The following ENTPD1 variants were observed in gnomAD, a reference collection of about 807,000 sequenced individuals.
ENTPD1 encodes ATP diphosphohydrolase.
In ENTPD1, 33 loss-of-function variants were observed where a neutral mutation model predicts 57.0. That is an observed-to-expected ratio of 0.58 (90% CI 0.44 to 0.77). ENTPD1 has a LOEUF of 0.77. Ranked by LOEUF, ENTPD1 falls within the 30% of genes least tolerant of loss-of-function variation. The pLI is 0.00. For missense variants in ENTPD1, 501 were observed against 603.4 expected (o/e 0.83, Z 1.78); for synonymous variants, 202 against 218.8 (o/e 0.92, Z 0.68).
chr10:95,858,441 T>C (rs1590188070), intron 7 of ENTPD1, among the ~76,000 whole-genome samples: 1 of 151,968 alleles, frequency 6.6e-6, no homozygotes, highest in East Asian at 1.9e-4. Context: ...CCACCAAAGG[T>C]TTTAAGCAGG....
upstream of ENTPD1, chr10:95,756,060 A>G (rs1416214003): frequency 1.3e-6 from 2 of 1,488,726 alleles, no homozygotes; most frequent in Non-Finnish European, 1.8e-6. Flanking sequence ...AGTCAATGAA[A>G]AAGACAGGGT....
chr10:95,695,336 G>A, the ENTPD1 span, among the ~76,000 whole-genome samples: 2 of 152,276 alleles, frequency 1.3e-5, no homozygotes, highest in Admixed American at 6.5e-5. Context: ...TATGTCCACG[G>A]TTCTGACATC....
chr10:95,705,038 C>G, the ENTPD1 span, among the ~76,000 whole-genome samples: 1 of 151,956 alleles, frequency 6.6e-6, no homozygotes, highest in Non-Finnish European at 1.5e-5. Flanking sequence ...AAGAGAAACT[C>G]AACATCATTA....
rs1033300592 is a variant in ENTPD1 at position 95,866,548 on chromosome 10, C to G, written c.*165C>G. The G allele has an allele frequency of 1.0e-5, 15 of 1,498,164 alleles. No homozygotes were observed. Among genetic ancestry groups the G allele is most frequent in the Admixed American group, 2.2e-5 (1 of 46,468 alleles). 92.8% of individuals were successfully genotyped at this position (1,498,164 alleles called of 1,614,324 possible). On this transcript the variant is annotated 3_prime_UTR_variant, in exon 10 of 10. Coordinates refer to ENST00000371205, the MANE Select transcript of ENTPD1 (RefSeq NM_001776.6). Reference sequence around the variant, plus strand: ...CTGAAGCCTTTCTTTTGGAGGTATTCAATATCCTTTGCCTCAAGGACTTCG... The same window carrying G: ...CTGAAGCCTTTCTTTTGGAGGTATTGAATATCCTTTGCCTCAAGGACTTCG...
In ENTPD1 at chr10:95,876,093, A is replaced by G. The variant is rs2098485474; in HGVS notation, c.*9710A>G. ...TTACAAGGTTTGAAACCTGAAATGC[A>G]GTCTATTATCATACATAACTAAAAA... On this transcript the variant is annotated 3_prime_UTR_variant, in exon 10 of 10. Coordinates refer to ENST00000371205, the MANE Select transcript of ENTPD1 (RefSeq NM_001776.6). 3 of 985,312 alleles carry G rather than the reference A, an allele frequency of 3.0e-6. No homozygotes were observed. The highest frequency in any genetic ancestry group is 3.6e-6 in the Non-Finnish European group (3 of 829,908). 61.0% of individuals were successfully genotyped at this position (985,312 alleles called of 1,614,324 possible). A position where few individuals can be genotyped will look rare whatever the true frequency, so the allele number is the denominator to read the frequency against.
At chr10:95,706,721 T>C in the ENTPD1 span, among the ~76,000 whole-genome samples, 1 of 152,186 alleles carries the variant, frequency 6.6e-6, no homozygotes, top group East Asian at 1.9e-4. Flanking sequence ...AGTAAGTACA[T>C]GCAGATTGGT....
intron 1 of ENTPD1, among the ~76,000 whole-genome samples, chr10:95,821,348 C>A (rs899369527): frequency 9.2e-5 from 14 of 152,234 alleles, no homozygotes; most frequent in Admixed American, 3.3e-4. Context: ...CAAGGACTCA[C>A]GTTCTCTACA....
intron 1 of ENTPD1, among the ~76,000 whole-genome samples, chr10:95,774,636 G>C (rs1376756346): frequency 6.6e-6 from 1 of 152,164 alleles, no homozygotes; most frequent in African/African-American, 2.4e-5. Context: ...AGATCAGATG[G>C]TTGTAGATGT....
At chr10:95,850,416 A>G (rs892972062) in intron 7 of ENTPD1, among the ~76,000 whole-genome samples, 3 of 151,870 alleles carry the variant, frequency 2.0e-5, no homozygotes, top group Admixed American at 2.0e-4. Context: ...CTGTTTCCTC[A>G]TCTGTACAAT....
intron 7 of ENTPD1, among the ~76,000 whole-genome samples, chr10:95,855,153 A>G (rs1191509757): frequency 1.3e-5 from 2 of 152,140 alleles, no homozygotes; most frequent in Non-Finnish European, 2.9e-5. Flanking sequence ...TAGGATAGTT[A>G]GCTCTTCTTG....
intron 1 of ENTPD1, among the ~76,000 whole-genome samples, chr10:95,793,388 C>G (rs2098213598): frequency 6.6e-6 from 1 of 152,224 alleles, no homozygotes; most frequent in African/African-American, 2.4e-5. Flanking sequence ...GGAAAAGGCC[C>G]CTGGTTGGGC....
In ENTPD1 at chr10:95,866,846, T is replaced by C. The variant is rs529923731; in HGVS notation, c.*463T>C. 35 of 1,046,534 alleles carry C rather than the reference T, an allele frequency of 3.3e-5. No homozygotes were observed. In the South Asian group the frequency reaches 1.0e-3, roughly 30 times the overall value. The allele number at this position is 1,046,534 out of a possible 1,614,324, so 64.8% of individuals were successfully genotyped here. A position where few individuals can be genotyped will look rare whatever the true frequency, so the allele number is the denominator to read the frequency against. On this transcript the variant is annotated 3_prime_UTR_variant, in exon 10 of 10. Coordinates refer to ENST00000371205, the MANE Select transcript of ENTPD1 (RefSeq NM_001776.6). Reference sequence around the variant, plus strand: ...TCCATTAAGAAAGCCATATGATGCCTTTGGAGAAGGCAGACACACATTCCA... The same window carrying C: ...TCCATTAAGAAAGCCATATGATGCCCTTGGAGAAGGCAGACACACATTCCA...
chr10:95,777,032 A>C (rs2098136700), intron 1 of ENTPD1, among the ~76,000 whole-genome samples: 1 of 152,124 alleles, frequency 6.6e-6, no homozygotes, highest in Non-Finnish European at 1.5e-5. Context: ...CATTTATCTA[A>C]TCGTTTTTCA....
chr10:95,714,401 A>C (rs1186704741), intron 1 of ENTPD1, among the ~76,000 whole-genome samples: 1 of 152,238 alleles, frequency 6.6e-6, no homozygotes, highest in Non-Finnish European at 1.5e-5. Context: ...TATTTTTCTT[A>C]TTTAATTAGT....
intron 1 of ENTPD1, among the ~76,000 whole-genome samples, chr10:95,813,854 A>G (rs1215366407): frequency 6.6e-6 from 1 of 152,230 alleles, no homozygotes; most frequent in Non-Finnish European, 1.5e-5. Context: ...AGACAAGACT[A>G]TAAGGCTAGG....
chr10:95,765,535 C>A (rs914656520), intron 1 of ENTPD1, among the ~76,000 whole-genome samples: 3 of 152,130 alleles, frequency 2.0e-5, no homozygotes, highest in Admixed American at 1.3e-4. Context: ...CAGTTATATT[C>A]CATTTCTTTA....
At chr10:95,730,442 A>G (rs375133256) in intron 1 of ENTPD1, among the ~76,000 whole-genome samples, 19 of 152,188 alleles carry the variant, frequency 1.2e-4, no homozygotes, top group Admixed American at 6.5e-5. Context: ...CAAAGAATCA[A>G]TCATAATCTT....
chr10:95,845,540 T>C lies in ENTPD1; in HGVS notation c.757T>C (p.Phe253Leu). Residue 253 changes from phenylalanine (F) to leucine (L), a missense_variant, in exon 6 of 10, where the codon TTC becomes CTC. Phe to Leu is a conservative substitution (Grantham distance 22). Transcript: ENST00000371205. ...GGACTACAATGTCTACACACATAGC[T>C]TCTTGTGCTATGGGAAGGATCAGGC... ...GKDYNVYTHS[F>L]LCYGKDQALW... 1 of 1,614,174 alleles carries C rather than the reference T, an allele frequency of 6.2e-7. No homozygotes were observed. The highest frequency in any genetic ancestry group is 8.5e-7 in the Non-Finnish European group (1 of 1,180,006).
chr10:95,716,089 GTC>G (rs1379299303), intron 1 of ENTPD1, among the ~76,000 whole-genome samples: 1 of 152,182 alleles, frequency 6.6e-6, no homozygotes, highest in Non-Finnish European at 1.5e-5. Context: ...TGGTCTTAAA[GTC>G]TTGGTCTCTA....
Sources: allele counts gnomAD v4.1 joint callset (sites outside exome capture counted in the v4.1 genomes callset), GRCh38; gene constraint gnomAD v4.1.1; transcripts MANE v1.5; gene names NCBI Gene and HGNC (gene_info 2026-07-23, HGNC 2026-07-21).